KYAT3: variants seen among roughly 807,000 people sequenced by gnomAD.
The protein encoded by KYAT3 is kynurenine aminotransferase 3.
KYAT3 carries 50 observed loss-of-function variants against 59.0 expected under a neutral mutation model. The ratio of observed to expected loss-of-function variants is 0.85; its 90% CI spans 0.68 to 1.07. KYAT3 has a LOEUF of 1.07. KYAT3 is among the 50% of genes least tolerant of loss of function. The pLI is 0.00. For synonymous variants in KYAT3, 148 were observed against 177.0 expected (o/e 0.84, Z 1.30); for missense variants, 497 against 533.3 (o/e 0.93, Z 0.67).
intron 2 of KYAT3, 124 bp downstream of exon 2, chr1:88,988,128 C>T (rs1677576432): frequency 1.6e-6 from 1 of 621,682 alleles, no homozygotes; most frequent in East Asian, 2.9e-5. Context: ...GAGACACCTT[C>T]AGCATATGTA....
At chr1:88,942,400 T>G (rs1411999579) in intron 13 of KYAT3, among the ~76,000 whole-genome samples, 2 of 152,154 alleles carry the variant, frequency 1.3e-5, no homozygotes, top group East Asian at 3.8e-4. Context: ...CCTTTAGGCC[T>G]ATTTCTATTA....
chr1:88,976,540 CTA>C (rs933733980), intron 2 of KYAT3, among the ~76,000 whole-genome samples: 5 of 152,134 alleles, frequency 3.3e-5, no homozygotes, highest in African/African-American at 1.2e-4. Context: ...TAACAAGCAA[CTA>C]TGTTACTGGT....
At chr1:88,952,843 C>T (rs1021833961) in intron 10 of KYAT3, among the ~76,000 whole-genome samples, 1 of 152,028 alleles carries the variant, frequency 6.6e-6, no homozygotes, top group African/African-American at 2.4e-5. Flanking sequence ...CTTTAGATTC[C>T]TGCCAGCAAT....
intron 5 of KYAT3, 163 bp downstream of exon 5, chr1:88,964,666 C>A: frequency 1.6e-6 from 1 of 632,006 alleles, no homozygotes; most frequent in Non-Finnish European, 2.8e-6. Context: ...AGTAATTTAT[C>A]CAGCTGTACA....
chr1:88,926,554 G>A, the KYAT3 span, among the ~76,000 whole-genome samples: 3 of 152,154 alleles, frequency 2.0e-5, no homozygotes, highest in African/African-American at 4.8e-5. Context: ...GGGCTCAAGC[G>A]ATCCTCCTGT....
At chr1:88,939,339 GTCTT>G (rs1373224766) in intron 13 of KYAT3, among the ~76,000 whole-genome samples, 1 of 151,732 alleles carries the variant, frequency 6.6e-6, no homozygotes, top group Non-Finnish European at 1.5e-5. Context: ...TTGATTTTTA[GTCTT>G]TCTAAGAGGT....
In KYAT3 at chr1:88,943,396, T is replaced by C; in HGVS notation, c.1169A>G (p.Asn390Ser). ...LDPDLSDMKN[N>S]EPYDYKFVKW... ...CACAAACTTATAGTCATAAGGCTCA[T>C]TATTCTTCATATCAGAGAGGTCTGG... The change falls in exon 12 of 14, where the codon AAT (asparagine) becomes AGT (serine). Residue 390 changes from asparagine (N) to serine (S), a missense_variant. Physicochemically the swap from Asn to Ser is conservative, Grantham distance 46. Coordinates refer to ENST00000260508, the MANE Select transcript of KYAT3 (RefSeq NM_001008661.3). 2 of 1,584,554 alleles carry C rather than the reference T, an allele frequency of 1.3e-6. No homozygotes were observed. Among genetic ancestry groups the C allele is most frequent in the South Asian group, 2.3e-5 (2 of 87,044 alleles).
rs139664923 is a variant in KYAT3, at chr1:88,963,799, C to T, written c.453+1030G>A. Among the ~76,000 whole-genome samples the T allele has an allele frequency of 1.4e-4, 22 of 152,316 alleles. 1 individual carries two copies. The highest frequency in any genetic ancestry group is 4.1e-4 in the South Asian group (2 of 4,828). ...AGAGGCAAAAAGTATTAAAGTAAGG[C>T]TATTGGAATGCTAATGGGAAATACG... On this transcript the variant is annotated intron_variant, in intron 5 of 13. Transcript: ENST00000260508.
chr1:88,923,572 C>G, the KYAT3 span: 2 of 159,660 alleles, frequency 1.3e-5, no homozygotes, highest in Non-Finnish European at 2.8e-5. Context: ...ACACCAGGAG[C>G]CTAAATACTA....
At chr1:88,977,148 G>T (rs1676821528) in intron 2 of KYAT3, among the ~76,000 whole-genome samples, 1 of 152,114 alleles carries the variant, frequency 6.6e-6, no homozygotes, top group African/African-American at 2.4e-5. Context: ...CTGAGTAGCT[G>T]GGACTACAGG....
At chr1:88,990,882 A>T (rs916020976) in intron 1 of KYAT3, among the ~76,000 whole-genome samples, 1 of 152,240 alleles carries the variant, frequency 6.6e-6, no homozygotes, top group Non-Finnish European at 1.5e-5. Context: ...TGAGATAAAT[A>T]CATTAAATTT....
rs966224409 is a variant in KYAT3, at chr1:88,957,388, T to C, written c.788-2163A>G. The stretch of plus-strand genomic sequence containing the variant: ...GATCAGAGAAAATCTAAACTACGTA[T>C]AATGCAGATTATCACTTCCTTTAAA... On this transcript the variant is annotated intron_variant, in intron 8 of 13. Coordinates refer to ENST00000260508, the MANE Select transcript of KYAT3 (RefSeq NM_001008661.3). Among the ~76,000 whole-genome samples the C allele has an allele frequency of 9.2e-5, 14 of 152,302 alleles. No individual in the cohort carries two copies. In the South Asian group the frequency reaches 1.0e-3, roughly 11 times the overall value.
At chr1:88,921,182 C>T in the KYAT3 span, among the ~76,000 whole-genome samples, 69 of 152,316 alleles carry the variant, frequency 4.5e-4, no homozygotes, top group Middle Eastern at 3.4e-3. Context: ...CACCCTCATG[C>T]TAGCTGTGGC....
intron 8 of KYAT3, among the ~76,000 whole-genome samples, chr1:88,955,985 T>C (rs1180463993): frequency 3.9e-5 from 6 of 152,220 alleles, no homozygotes; most frequent in Admixed American, 3.9e-4. Context: ...ACTATCACCA[T>C]AACCAATTTC....
At chr1:88,983,943 A>T in intron 2 of KYAT3, 1 of 1,124,960 alleles carries the variant, frequency 8.9e-7, no homozygotes. Context: ...GGAGGACTGA[A>T]CCGCGAAGCC....
At chr1:88,957,263 T>C (rs188484943) in intron 8 of KYAT3, among the ~76,000 whole-genome samples, 24 of 152,312 alleles carry the variant, frequency 1.6e-4, no homozygotes, top group Admixed American at 1.6e-3. Flanking sequence ...GAAGGAATAC[T>C]TTAAGATTTG....
rs530877158 is a variant in KYAT3 at position 88,955,828 on chromosome 1, CAT to C, written c.788-605_788-604del. Among the ~76,000 whole-genome samples the C allele has an allele frequency of 8.7e-3, 1,315 of 151,108 alleles. 13 individuals are homozygous for C. Among genetic ancestry groups the C allele is most frequent in the African/African-American group, 0.031 (1,257 of 40,598 alleles). ...GTGGGACCCAGTAATCATGTGTGCA[CAT>C]GTGTGTGTGTGTGTGCATGTGTGTG... On this transcript the variant is annotated intron_variant, in intron 8 of 13. Transcript: ENST00000260508.
intron 5 of KYAT3, among the ~76,000 whole-genome samples, chr1:88,962,996 T>C (rs1240884762): frequency 6.6e-6 from 1 of 152,034 alleles, no homozygotes; most frequent in Non-Finnish European, 1.5e-5. Context: ...CTCTTTTTTT[T>C]TTTTTGAGAA....
At chr1:88,922,445 C>G in the KYAT3 span, among the ~76,000 whole-genome samples, 1 of 152,174 alleles carries the variant, frequency 6.6e-6, no homozygotes, top group African/African-American at 2.4e-5. Flanking sequence ...CTGTTAGGAA[C>G]TGGGCTGCAC....
Sources: gnomAD v4.1 joint callset for allele counts (sites outside exome capture counted in the v4.1 genomes callset) on GRCh38, gnomAD v4.1.1 for gene constraint, MANE v1.5 for transcripts, NCBI Gene and HGNC (gene_info 2026-07-23, HGNC 2026-07-21) for gene names.